Variants in SOX5 observed in about 807,000 individuals in gnomAD.
SOX5 encodes SRY-box transcription factor 5.
SOX5 carries 9 observed loss-of-function variants against 92.0 expected under a neutral mutation model. The ratio of observed to expected loss-of-function variants is 0.10; its 90% CI spans 0.06 to 0.17. The LOEUF is 0.17. Among genes scored for constraint, SOX5 ranks in the 10% least tolerant of loss-of-function variants. The pLI is 1.00. For missense variants in SOX5, 642 were observed against 944.5 expected, an observed-to-expected ratio of 0.68 and a Z score of 4.20; for synonymous variants, 344 against 336.3, an observed-to-expected ratio of 1.02 and a Z score of -0.25.
At chr12:23,568,636 A>G (rs7969015) in intron 10 of SOX5, among the ~76,000 whole-genome samples, 20,340 of 151,930 alleles carry the variant, frequency 0.13, 1,718 homozygotes, top group Non-Finnish European at 0.18. Context: ...TATTCCATAG[A>G]CCTTGTCAGT....
At chr12:23,552,953 T>C (rs1307478432) in intron 11 of SOX5, among the ~76,000 whole-genome samples, 1 of 152,030 alleles carries the variant, frequency 6.6e-6, no homozygotes, top group Non-Finnish European at 1.5e-5. Flanking sequence ...AAAACAGGCT[T>C]TGATTCTTTT....
intron 2 of SOX5, among the ~76,000 whole-genome samples, chr12:23,891,320 T>G (rs1164169371): frequency 6.6e-6 from 1 of 152,210 alleles, no homozygotes; most frequent in South Asian, 2.1e-4. Flanking sequence ...ACCGTAACAT[T>G]TGCATAACCT....
intron 1 of SOX5, among the ~76,000 whole-genome samples, chr12:24,486,777 G>A (rs1946568499): frequency 6.6e-6 from 1 of 152,196 alleles, no homozygotes. Context: ...CCTAAGCAAT[G>A]TTACCAACAC....
chr12:24,111,540 G>C (rs1947347212), intron 4 of SOX5, among the ~76,000 whole-genome samples: 2 of 152,074 alleles, frequency 1.3e-5, no homozygotes, highest in Non-Finnish European at 2.9e-5. Flanking sequence ...ATCTAGTTTA[G>C]CTCAAAATCG....
chr12:23,669,017 ATTAT>A (rs1332768915), intron 6 of SOX5, among the ~76,000 whole-genome samples: 3 of 147,086 alleles, frequency 2.0e-5, no homozygotes, highest in East Asian at 2.0e-4. Context: ...GATTCTTAAG[ATTAT>A]TTAATCGGAA....
intron 2 of SOX5, among the ~76,000 whole-genome samples, chr12:24,340,757 A>G (rs1156462173): frequency 6.6e-6 from 1 of 152,220 alleles, no homozygotes; most frequent in Non-Finnish European, 1.5e-5. Context: ...TGAAACCTCA[A>G]AAAAGACTCT....
chr12:23,759,030 G>GAC (rs61575999), intron 3 of SOX5, among the ~76,000 whole-genome samples: 1,502 of 146,294 alleles, frequency 0.01, 14 homozygotes, highest in African/African-American at 0.023. Context: ...CACACACACA[G>GAC]ACACACACAC....
At chr12:24,338,085 T>A (rs1952113424) in intron 2 of SOX5, among the ~76,000 whole-genome samples, 1 of 152,178 alleles carries the variant, frequency 6.6e-6, no homozygotes, top group African/African-American at 2.4e-5. Context: ...AACACAAATA[T>A]AAGTAATGGA....
intron 4 of SOX5, among the ~76,000 whole-genome samples, chr12:24,050,218 T>C (rs1957437538): frequency 6.6e-6 from 1 of 152,104 alleles, no homozygotes; most frequent in Non-Finnish European, 1.5e-5. Context: ...AATTATTTTC[T>C]CTCAAGGTAG....
Position 23,979,698 on chromosome 12 carries a change from G to T in SOX5, c.-1-83674C>A, listed in dbSNP as rs1402040135. Among the ~76,000 whole-genome samples the T allele has an allele frequency of 9.7e-4, 63 of 64,682 alleles. 1 individual carries two copies. The highest frequency in any genetic ancestry group is 1.6e-3 in the East Asian group (2 of 1,284). 42.4% of individuals were successfully genotyped at this position (64,682 alleles called of 152,430 possible). A position where few individuals can be genotyped will look rare whatever the true frequency, so the allele number is the denominator to read the frequency against. On this transcript the variant is annotated intron_variant, in intron 4 of 4. Transcript: ENST00000446891. ...TTCTTCCTTCCATATATATATATAT[G>T]TTTTTTTTGTTTTTTTTTTTTTTTT...
rs371480644 is a variant in SOX5 at position 23,600,522 on chromosome 12, CATATATATATATATATATATAT to C, written c.1164+3843_1164+3864del. 1.8e-4 allele frequency among the ~76,000 whole-genome samples: 7 copies of C among 39,812 alleles called. 1 individual carries two copies. The highest frequency in any genetic ancestry group is 1.5e-3 in the Admixed American group (5 of 3,414). 26.1% of individuals were successfully genotyped at this position (39,812 alleles called of 152,430 possible). A position where few individuals can be genotyped will look rare whatever the true frequency, so the allele number is the denominator to read the frequency against. ...AAGATAGACCATGGCGGGGGGGGTG[CATATATATATATATATATATAT>C]ATATATATACACATACTTGGCTTGG... On this transcript the variant is annotated intron_variant, in intron 9 of 14. Transcript: ENST00000451604.
chr12:23,537,580 A>G (rs1467943260), intron 13 of SOX5, among the ~76,000 whole-genome samples: 3 of 152,220 alleles, frequency 2.0e-5, no homozygotes, highest in Non-Finnish European at 4.4e-5. Flanking sequence ...GTCACTTCCC[A>G]TGATACAGTC....
chr12:24,164,109 G>A (rs1953101004), intron 4 of SOX5, among the ~76,000 whole-genome samples: 1 of 151,934 alleles, frequency 6.6e-6, no homozygotes, highest in African/African-American at 2.4e-5. Context: ...CTATAGTGAG[G>A]AAATATTCCA....
chr12:24,017,060 G>T (rs1216118252), intron 4 of SOX5, among the ~76,000 whole-genome samples: 2 of 152,172 alleles, frequency 1.3e-5, no homozygotes, highest in Non-Finnish European at 2.9e-5. Context: ...ATACAGTGTT[G>T]GGACAAGAAT....
At chr12:24,030,325 A>G (rs1955355964) in intron 4 of SOX5, among the ~76,000 whole-genome samples, 1 of 151,980 alleles carries the variant, frequency 6.6e-6, no homozygotes, top group Non-Finnish European at 1.5e-5. Flanking sequence ...TCAAAATAGC[A>G]TGATACTGGC....
At chr12:23,769,089 T>A (rs2141480822) in intron 3 of SOX5, among the ~76,000 whole-genome samples, 1 of 152,284 alleles carries the variant, frequency 6.6e-6, no homozygotes, top group African/African-American at 2.4e-5. Flanking sequence ...AAACTTGGGT[T>A]ATTTTTCTCT....
At chr12:24,339,235 C>T (rs930173148) in intron 2 of SOX5, among the ~76,000 whole-genome samples, 2 of 150,118 alleles carry the variant, frequency 1.3e-5, no homozygotes, top group African/African-American at 2.5e-5. Context: ...GGATGCAGCC[C>T]AGTAGACATA....
In SOX5 at chr12:23,582,328, A is replaced by C. The variant is rs542245854; in HGVS notation, c.1165-6490T>G. Reference sequence around the variant, plus strand: ...CAAACAAGTATCATGAGGATCTATAAAGAGATGGAAGTGTACCTGCTGAGC... The same window carrying C: ...CAAACAAGTATCATGAGGATCTATACAGAGATGGAAGTGTACCTGCTGAGC... On this transcript the variant is annotated intron_variant, in intron 9 of 14. Coordinates refer to ENST00000451604, the MANE Select transcript of SOX5 (RefSeq NM_006940.6). 3.1e-6 allele frequency: 3 copies of C among 975,474 alleles called. No individual in the cohort carries two copies. In the South Asian group the frequency reaches 1.4e-4, roughly 46 times the overall value. 60.4% of individuals were successfully genotyped at this position (975,474 alleles called of 1,614,324 possible).
chr12:23,617,897 C>T (rs2076756266), intron 8 of SOX5, among the ~76,000 whole-genome samples: 1 of 152,146 alleles, frequency 6.6e-6, no homozygotes, highest in Non-Finnish European at 1.5e-5. Context: ...TCGCTCACTC[C>T]CTCCCTGTAT....
Sources: gnomAD v4.1 joint callset for allele counts (sites outside exome capture counted in the v4.1 genomes callset) on GRCh38, gnomAD v4.1.1 for gene constraint, MANE v1.5 for transcripts, NCBI Gene and HGNC (gene_info 2026-07-23, HGNC 2026-07-21) for gene names.